Variants in RELN observed in about 807,000 individuals in gnomAD.
RELN encodes reelin.
A neutral mutation model predicts 427.6 loss-of-function variants in RELN; 108 were observed. The observed-to-expected ratio is 0.25, with a 90% CI of 0.22 to 0.30. RELN has a LOEUF of 0.30. Among genes scored for constraint, RELN ranks in the 10% least tolerant of loss-of-function variants. The probability of loss-of-function intolerance (pLI) is 1.00; values close to 1 mark genes in which losing one functional copy is unlikely to be tolerated. For synonymous variants in RELN, 1,524 were observed against 1,513.4 expected (o/e 1.01, Z -0.16); for missense variants, 3,715 against 4,302.8 (o/e 0.86, Z 3.82).
intron 64 of RELN, among the ~76,000 whole-genome samples, chr7:103,477,170 C>T (rs759324914): frequency 1.2e-4 from 18 of 152,256 alleles, no homozygotes; most frequent in African/African-American, 2.2e-4. Flanking sequence ...AGAATTATAA[C>T]GTGTTTCCTT....
At chr7:103,926,661 T>C (rs1795747704) in intron 1 of RELN, among the ~76,000 whole-genome samples, 1 of 96,684 alleles carries the variant, frequency 1.0e-5, no homozygotes, top group Admixed American at 1.1e-4. Context: ...TTTTTTTTTT[T>C]TGAGACGGAG....
chr7:103,657,062 T>C (rs530694904), intron 12 of RELN, among the ~76,000 whole-genome samples: 2 of 152,212 alleles, frequency 1.3e-5, no homozygotes, highest in East Asian at 3.9e-4. Flanking sequence ...TCTGGCATGC[T>C]ACACATGTTA....
chr7:103,507,502 A>T (rs1829254816), intron 51 of RELN, among the ~76,000 whole-genome samples: 1 of 152,212 alleles, frequency 6.6e-6, no homozygotes, highest in Non-Finnish European at 1.5e-5. Flanking sequence ...AAGACACAAC[A>T]TACCAGAATC....
intron 2 of RELN, among the ~76,000 whole-genome samples, chr7:103,856,814 AT>A (rs576074019): frequency 1.1e-4 from 16 of 151,976 alleles, no homozygotes; most frequent in African/African-American, 2.4e-4. Context: ...CTATTAGCAA[AT>A]TTTTTTATCA....
intron 2 of RELN, among the ~76,000 whole-genome samples, chr7:103,835,179 G>A (rs1267359835): frequency 6.6e-6 from 1 of 152,178 alleles, no homozygotes; most frequent in Non-Finnish European, 1.5e-5. Flanking sequence ...ATTACCAAGT[G>A]AAAGAATCTA....
At chr7:103,608,623 A>G (rs957434358) in intron 22 of RELN, among the ~76,000 whole-genome samples, 4 of 152,318 alleles carry the variant, frequency 2.6e-5, no homozygotes, top group Admixed American at 2.6e-4. Flanking sequence ...TTAATTCCCC[A>G]ATGTCCAATA....
At chr7:103,872,838 G>C (rs1450674389) in intron 2 of RELN, among the ~76,000 whole-genome samples, 2 of 150,130 alleles carry the variant, frequency 1.3e-5, no homozygotes, top group Non-Finnish European at 3.0e-5. Context: ...TTTTTCATGT[G>C]TTTTTTGGCT....
intron 13 of RELN, among the ~76,000 whole-genome samples, chr7:103,653,291 G>GA (rs775707818): frequency 3.9e-5 from 6 of 152,074 alleles, no homozygotes; most frequent in Non-Finnish European, 5.9e-5. Flanking sequence ...GCCACTGCTG[G>GA]AAATATCGTC....
At chr7:103,617,724 G>A (rs1832116127) in intron 20 of RELN, among the ~76,000 whole-genome samples, 2 of 151,882 alleles carry the variant, frequency 1.3e-5, no homozygotes, top group Admixed American at 1.3e-4. Context: ...TAGTTTGGAT[G>A]TTTGTCCCTC....
chr7:103,514,180 C>A (rs1829499999), intron 50 of RELN, among the ~76,000 whole-genome samples: 1 of 152,104 alleles, frequency 6.6e-6, no homozygotes. Flanking sequence ...GTATATCAAT[C>A]TTTACTATTT....
chr7:103,630,849 T>TC, intron 19 of RELN, among the ~76,000 whole-genome samples: 1 of 125,934 alleles, frequency 7.9e-6, no homozygotes, highest in South Asian at 2.4e-4. Flanking sequence ...AGTTATTTTT[T>TC]TGTTTTTTTT....
rs1208021621 is a variant in RELN at position 103,989,411 on chromosome 7, T to C, written c.-55A>G. 24 of 1,354,162 alleles carry C rather than the reference T, an allele frequency of 1.8e-5. No individual in the cohort carries two copies. Among genetic ancestry groups the C allele is most frequent in the Non-Finnish European group, 2.3e-5 (24 of 1,058,586 alleles). 83.9% of individuals were successfully genotyped at this position (1,354,162 alleles called of 1,614,324 possible). ...CCCTACGCGCCGCTCGCTCATTCAG[T>C]TTTGGAGACGCCGGGACGGAGGAGC... On this transcript the variant is annotated 5_prime_UTR_variant, in exon 1 of 65. Transcript: ENST00000428762. The surrounding 1 kb of genome is among the most constrained non-coding windows in gnomAD (Gnocchi z 4.9).
chr7:103,635,458 T>C lies in RELN; in HGVS notation c.2432A>G (p.Glu811Gly), dbSNP rs762056819. 7 of 1,614,024 alleles carry C rather than the reference T, an allele frequency of 4.3e-6. No homozygotes were observed. In the South Asian group the frequency reaches 7.7e-5, roughly 18 times the overall value. The change falls in exon 19 of 65, where the codon GAG becomes GGG. Residue 811 changes from glutamate to glycine, a missense_variant. Transcript: ENST00000428762. ...YDNGITWKLLEHYSYLSYHEP... is the reference protein window; with the variant it reads ...YDNGITWKLLGHYSYLSYHEP... ...ATGATAGCTGAGATATGAATAATGCTCCAGGAGTTTCCAAGTTATCCCATT... is the reference window on the plus strand; with the variant it reads ...ATGATAGCTGAGATATGAATAATGCCCCAGGAGTTTCCAAGTTATCCCATT...
chr7:103,483,089 A>G, intron 62 of RELN, 118 bp from the exon 63 acceptor site: 2 of 816,000 alleles, frequency 2.5e-6, no homozygotes, highest in East Asian at 5.1e-5. Context: ...AATGTTATGC[A>G]TGGAATTCAG....
At chr7:103,556,554 G>A (rs1182687999) in intron 38 of RELN, among the ~76,000 whole-genome samples, 4 of 152,238 alleles carry the variant, frequency 2.6e-5, no homozygotes, top group Middle Eastern at 3.4e-3. Context: ...TATTGTGGGA[G>A]GGACCCAGGT....
intron 1 of RELN, among the ~76,000 whole-genome samples, chr7:103,934,728 G>A (rs781455863): frequency 6.6e-6 from 1 of 152,208 alleles, no homozygotes; most frequent in Non-Finnish European, 1.5e-5. Flanking sequence ...CTATTCACCG[G>A]CTCTGGAGTC....
In RELN at chr7:103,493,080, T is replaced by C. The variant is rs567836255; in HGVS notation, c.9370-1054A>G. 4.6e-5 allele frequency among the ~76,000 whole-genome samples: 7 copies of C among 152,314 alleles called. 1 individual carries two copies. The highest frequency in any genetic ancestry group is 1.4e-4 in the African/African-American group (6 of 41,578). On this transcript the variant is annotated intron_variant, in intron 57 of 64. Coordinates refer to ENST00000428762, the MANE Select transcript of RELN (RefSeq NM_005045.4). ...AGAGTCATTAAAGGTTTCTGTGGAA[T>C]GATGTGCTGCTTAGAGATATGCTTT...
At chr7:103,867,756 T>C (rs960429457) in intron 2 of RELN, among the ~76,000 whole-genome samples, 10 of 152,054 alleles carry the variant, frequency 6.6e-5, no homozygotes, top group African/African-American at 2.4e-4. Context: ...CTATGATGTT[T>C]AGTAATCATA....
At chr7:103,930,426 C>T (rs1473683893) in intron 1 of RELN, among the ~76,000 whole-genome samples, 3 of 61,630 alleles carry the variant, frequency 4.9e-5, no homozygotes, top group African/African-American at 6.4e-5. Context: ...GGGGTTGTGG[C>T]GGGGGACGGG....
Sources: gnomAD v4.1 joint callset for allele counts (sites outside exome capture counted in the v4.1 genomes callset) on GRCh38, gnomAD v4.1.1 for gene constraint, Gnocchi (gnomAD v3.1) non-coding constraint, MANE v1.5 for transcripts, NCBI Gene and HGNC (gene_info 2026-07-23, HGNC 2026-07-21) for gene names.